Variants in PSD3 observed in about 807,000 individuals in gnomAD.
PSD3 encodes the protein pleckstrin and Sec7 domain containing 3.
In PSD3, 49 loss-of-function variants were observed where a neutral mutation model predicts 105.5. The observed-to-expected ratio is 0.46, with a 90% CI of 0.37 to 0.59. The LOEUF (loss-of-function observed/expected upper bound fraction) is 0.59. PSD3 is among the 20% of genes least tolerant of loss of function. The probability of loss-of-function intolerance (pLI) is 0.00; values close to 1 mark genes in which losing one functional copy is unlikely to be tolerated. For synonymous variants in PSD3, 557 were observed against 457.8 expected (o/e 1.22, Z -2.77); for missense variants, 1,561 against 1,263.8 (o/e 1.24, Z -3.57).
At chr8:18,741,267 T>C (rs73670005) in intron 9 of PSD3, among the ~76,000 whole-genome samples, 3,151 of 152,240 alleles carry the variant, frequency 0.021, 105 homozygotes, top group African/African-American at 0.072. Context: ...AGATGCGATG[T>C]CATCTCCATT....
chr8:18,600,862 C>A (rs957127240), intron 11 of PSD3, among the ~76,000 whole-genome samples: 3 of 152,184 alleles, frequency 2.0e-5, no homozygotes, highest in African/African-American at 4.8e-5. Context: ...TTCAGAGACT[C>A]TAGAAATCAC....
At chr8:18,787,616 C>T (rs1809291240) in intron 8 of PSD3, among the ~76,000 whole-genome samples, 1 of 152,026 alleles carries the variant, frequency 6.6e-6, no homozygotes, top group African/African-American at 2.4e-5. Context: ...AGTCAAAATA[C>T]TCTCTATATC....
chr8:18,886,382 G>A (rs1055939434), intron 2 of PSD3, among the ~76,000 whole-genome samples: 7 of 152,144 alleles, frequency 4.6e-5, no homozygotes, highest in African/African-American at 1.7e-4. Context: ...ATTAAAGAAT[G>A]GTTGGCGCGG....
intron 4 of PSD3, among the ~76,000 whole-genome samples, chr8:18,837,993 G>A (rs1001471793): frequency 6.6e-5 from 10 of 152,156 alleles, no homozygotes; most frequent in African/African-American, 2.2e-4. Context: ...ATAGAGGACT[G>A]TTGTAAATAC....
At chr8:18,785,734 G>A (rs1038874095) in intron 8 of PSD3, among the ~76,000 whole-genome samples, 9 of 152,254 alleles carry the variant, frequency 5.9e-5, no homozygotes, top group African/African-American at 1.9e-4. Context: ...AAAGCGAGAC[G>A]TATGAAACTC....
chr8:18,625,813 C>G (rs1161317489), intron 11 of PSD3, among the ~76,000 whole-genome samples: 1 of 151,956 alleles, frequency 6.6e-6, no homozygotes, highest in Non-Finnish European at 1.5e-5. Flanking sequence ...TTTATAGGAC[C>G]AAGATTAAAT....
chr8:18,971,378 T>C (rs1824642486), intron 1 of PSD3, among the ~76,000 whole-genome samples: 5 of 152,250 alleles, frequency 3.3e-5, no homozygotes, highest in East Asian at 3.9e-4. Context: ...TCCCCTCCCA[T>C]GCGCCTGGGC....
intron 1 of PSD3, among the ~76,000 whole-genome samples, chr8:19,051,785 A>G (rs1288548952): frequency 6.6e-6 from 1 of 152,206 alleles, no homozygotes; most frequent in African/African-American, 2.4e-5. Context: ...CGTACCTAGC[A>G]TAGTACAAGA....
intron 9 of PSD3, among the ~76,000 whole-genome samples, chr8:18,756,537 T>G (rs909436429): frequency 7.5e-6 from 1 of 133,530 alleles, no homozygotes; most frequent in African/African-American, 3.4e-5. Flanking sequence ...GAAATGCGAT[T>G]TGGATTCAAA....
At chr8:19,074,811 G>A (rs567305758) in intron 1 of PSD3, among the ~76,000 whole-genome samples, 6 of 151,118 alleles carry the variant, frequency 4.0e-5, no homozygotes, top group South Asian at 2.1e-4. Flanking sequence ...TAGTGGAGAC[G>A]GGGTTTCACC....
chr8:18,559,558 T>G (rs1801271042), intron 14 of PSD3, among the ~76,000 whole-genome samples: 1 of 152,172 alleles, frequency 6.6e-6, no homozygotes, highest in Non-Finnish European at 1.5e-5. Flanking sequence ...ATAATTAGAA[T>G]CCAATGATAG....
chr8:18,547,559 A>G lies in PSD3; in HGVS notation c.2928+8650T>C, dbSNP rs191993055. Among the ~76,000 whole-genome samples the G allele has an allele frequency of 4.6e-5, 7 of 152,270 alleles. No homozygotes were observed. In the East Asian group the frequency reaches 1.4e-3, roughly 29 times the overall value. ...ACTATGCTGCCTTCCTGGGCTTCTG[A>G]ACACTACAGGGAATCTCACTACTCT... On this transcript the variant is annotated intron_variant, in intron 15 of 15. Coordinates refer to ENST00000327040, the MANE Select transcript of PSD3 (RefSeq NM_015310.4).
At chr8:18,585,685 C>T (rs536404061) in intron 12 of PSD3, among the ~76,000 whole-genome samples, 3 of 152,252 alleles carry the variant, frequency 2.0e-5, no homozygotes, top group South Asian at 2.1e-4. Flanking sequence ...AAAATACTCT[C>T]ATTTCTTATA....
intron 1 of PSD3, among the ~76,000 whole-genome samples, chr8:19,059,164 T>C (rs548238235): frequency 1.3e-5 from 2 of 152,172 alleles, no homozygotes; most frequent in Non-Finnish European, 2.9e-5. Flanking sequence ...ATCTAAGTCA[T>C]CGGAAAGTCT....
intron 1 of PSD3, among the ~76,000 whole-genome samples, chr8:19,082,209 G>A (rs899803213): frequency 6.6e-5 from 10 of 152,092 alleles, no homozygotes; most frequent in South Asian, 2.1e-4. Flanking sequence ...AGTGATAGCC[G>A]TACGGCACCT....
chr8:18,572,967 G>C (rs979453608), intron 13 of PSD3, among the ~76,000 whole-genome samples: 1 of 152,132 alleles, frequency 6.6e-6, no homozygotes, highest in Non-Finnish European at 1.5e-5. Context: ...TTGATACGAG[G>C]CTAGGCCAAA....
At chr8:18,715,500 AACTT>A (rs1802527972) in intron 9 of PSD3, among the ~76,000 whole-genome samples, 1 of 152,268 alleles carries the variant, frequency 6.6e-6, no homozygotes, top group Non-Finnish European at 1.5e-5. Context: ...TACAAACTCT[AACTT>A]AATGACTTAT....
At chr8:18,551,864 A>C (rs1800788408) in intron 15 of PSD3, among the ~76,000 whole-genome samples, 1 of 152,182 alleles carries the variant, frequency 6.6e-6, no homozygotes, top group Non-Finnish European at 1.5e-5. Flanking sequence ...TCAAAGATCT[A>C]ACTAATACTT....
intron 1 of PSD3, among the ~76,000 whole-genome samples, chr8:19,070,266 T>G (rs1330061409): frequency 6.6e-6 from 1 of 151,992 alleles, no homozygotes; most frequent in Non-Finnish European, 1.5e-5. Flanking sequence ...ACCTTTTATT[T>G]TCCTGCACTC....
Sources: gnomAD v4.1 joint callset for allele counts (sites outside exome capture counted in the v4.1 genomes callset) on GRCh38, gnomAD v4.1.1 for gene constraint, MANE v1.5 for transcripts, NCBI Gene and HGNC (gene_info 2026-07-23, HGNC 2026-07-21) for gene names.